The following NFKB1 variants were observed in gnomAD, a reference collection of about 807,000 sequenced individuals.
The protein encoded by NFKB1 is nuclear factor kappa B subunit 1, also known as nuclear factor NF-kappa-B p105 subunit.
Under a neutral mutation model 105.1 loss-of-function variants are expected in NFKB1, and 9 were observed. That is an observed-to-expected ratio of 0.09 (90% confidence interval 0.05 to 0.15). The LOEUF is 0.15. Among genes scored for constraint, NFKB1 ranks in the 10% least tolerant of loss-of-function variants. The pLI is 1.00. For synonymous variants in NFKB1, 440 were observed against 442.2 expected, an observed-to-expected ratio of 1.00 and a Z score of 0.06; for missense variants, 830 against 1,203.7, an observed-to-expected ratio of 0.69 and a Z score of 4.59.
rs1301995341 is a variant in NFKB1, at chr4:102,607,847, G to T, written c.2227+96G>T. 2.9e-6 allele frequency: 3 copies of T among 1,017,106 alleles called. No individual in the cohort carries two copies. In the African/African-American group the frequency reaches 4.7e-5, roughly 16 times the overall value. 63.0% of individuals were successfully genotyped at this position (1,017,106 alleles called of 1,614,324 possible). A position where few individuals can be genotyped will look rare whatever the true frequency, so the allele number is the denominator to read the frequency against. ...GTCATGTTGCCTTCTTTAAGCCACA[G>T]ACCTACTGCTGAAAAACAAGGGTAA... On this transcript the variant is annotated intron_variant, in intron 19 of 23. Coordinates refer to ENST00000226574, the MANE Select transcript of NFKB1 (RefSeq NM_003998.4).
intron 6 of NFKB1, among the ~76,000 whole-genome samples, chr4:102,575,445 T>TTTTC (rs1158263948): frequency 2.8e-4 from 43 of 152,142 alleles, no homozygotes; most frequent in African/African-American, 9.4e-4. Flanking sequence ...CTAATTTTTT[T>TTTTC]TTTCTTTCTT....
intron 11 of NFKB1, among the ~76,000 whole-genome samples, chr4:102,592,814 T>G (rs114182429): frequency 2.0e-4 from 31 of 152,276 alleles, no homozygotes; most frequent in African/African-American, 7.5e-4. Context: ...TAAAACTGAT[T>G]CTGAGAAGCC....
chr4:102,567,284 G>A, intron 6 of NFKB1, 149 bp downstream of exon 6: 1 of 831,708 alleles, frequency 1.2e-6, no homozygotes, highest in Non-Finnish European at 1.8e-6. Flanking sequence ...CTTTCATTTG[G>A]ACTCCAGGAA....
At position 102,610,685 on chromosome 4, in the gene NFKB1, G is replaced by T. The variant is rs1578834273; in HGVS notation, c.2338G>T (p.Ala780Ser). 2.5e-6 allele frequency: 4 copies of T among 1,613,966 alleles called. No homozygotes were observed. The highest frequency in any genetic ancestry group is 1.3e-5 in the African/African-American group (1 of 75,022). The change falls in exon 20 of 24, where the codon GCC (alanine) becomes TCC (serine). Residue 780 changes from alanine to serine, a missense_variant. Physicochemically the swap from Ala to Ser is moderately conservative, Grantham distance 99. This residue lies in a region of NFKB1 where 418 missense variants were observed against 575.3 expected (regional missense o/e 0.73). Coordinates refer to ENST00000226574, the MANE Select transcript of NFKB1 (RefSeq NM_003998.4). The stretch of plus-strand genomic sequence containing the variant: ...GCCTGGAACCACGCCTCTAGATATG[G>T]CCACCAGCTGGCAGGTGAGTGCCGC... ...VVPGTTPLDM[A>S]TSWQVFDILN...
chr4:102,613,285 C>T, intron 22 of NFKB1, 140 bp from the exon 23 acceptor site: 1 of 797,396 alleles, frequency 1.3e-6, no homozygotes, highest in Non-Finnish European at 2.0e-6. Context: ...CTTAGTCGCT[C>T]TTCTCTGCCC....
intron 1 of NFKB1, among the ~76,000 whole-genome samples, chr4:102,519,699 A>G (rs1740441131): frequency 6.6e-6 from 1 of 152,188 alleles, no homozygotes; most frequent in Admixed American, 6.5e-5. Flanking sequence ...GTAATGTTAT[A>G]TGCCAAAGAG....
chr4:102,580,605 G>A lies in NFKB1; in HGVS notation c.801G>A (p.Glu267=), dbSNP rs1318228054. The A allele has an allele frequency of 6.8e-6, 11 of 1,613,720 alleles. No individual in the cohort carries two copies. Among genetic ancestry groups the A allele is most frequent in the African/African-American group, 4.0e-5 (3 of 74,894 alleles). The change falls in exon 9 of 24, where the codon GAG becomes GAA. Residue 267 remains glutamate (E), a synonymous_variant. Coordinates refer to ENST00000226574, the MANE Select transcript of NFKB1 (RefSeq NM_003998.4). ...CAGCTGGATGTGTGACTGGAGGGGA[G>A]GAAATTTATCTTCTTTGTGACAAAG... is the stretch of plus-strand genomic sequence containing the variant. ...DRTAGCVTGG[E]EIYLLCDKVQ...
In NFKB1 at chr4:102,587,334, A is replaced by T. The variant is rs181936532; in HGVS notation, c.1066+2514A>T. 2.6e-5 allele frequency among the ~76,000 whole-genome samples: 4 copies of T among 152,350 alleles called. No individual in the cohort carries two copies. The East Asian group carries it at 5.8e-4, about 22-fold the overall frequency. On this transcript the variant is annotated intron_variant, in intron 11 of 23. Transcript: ENST00000226574. ...TTTTAGACTTTCTGAGGAAAAAAAT[A>T]GATTTCTTCTCCAGAAATATGTCTT...
chr4:102,616,047 A>T (rs938840769), intron 23 of NFKB1, among the ~76,000 whole-genome samples: 2 of 152,234 alleles, frequency 1.3e-5, no homozygotes, highest in African/African-American at 4.8e-5. Flanking sequence ...TGCTTCTGTC[A>T]CCAATTTATT....
intron 11 of NFKB1, among the ~76,000 whole-genome samples, chr4:102,592,434 C>G (rs953492086): frequency 6.6e-6 from 1 of 152,146 alleles, no homozygotes; most frequent in African/African-American, 2.4e-5. Context: ...CTTCAGTAGC[C>G]ACCACCCTTA....
Position 102,606,943 on chromosome 4 carries a change from G to A in NFKB1, c.1955-207G>A, listed in dbSNP as rs115379918. On this transcript the variant is annotated intron_variant, in intron 17 of 23. Coordinates refer to ENST00000226574, the MANE Select transcript of NFKB1 (RefSeq NM_003998.4). ...AGATTCATCTTGAAGTACACAAAGC[G>A]TCGTTTATTCAGAGAATGTTTATTT... is the stretch of plus-strand genomic sequence containing the variant. Among the ~76,000 whole-genome samples, 358 of 152,290 alleles carry A rather than the reference G, an allele frequency of 2.4e-3. 2 individuals are homozygous for A. The highest frequency in any genetic ancestry group is 8.3e-3 in the African/African-American group (344 of 41,548).
chr4:102,597,417 A>G (rs1401124139), intron 14 of NFKB1, 103 bp from the exon 15 acceptor site: 4 of 1,184,594 alleles, frequency 3.4e-6, no homozygotes, highest in Non-Finnish European at 4.7e-6. Context: ...ATGATATGTC[A>G]AGGTGTCAGA....
At chr4:102,533,727 T>C (rs1252072210) in intron 3 of NFKB1, 118 bp from the exon 4 acceptor site, 2 of 825,748 alleles carry the variant, frequency 2.4e-6, no homozygotes, top group Non-Finnish European at 3.9e-6. Context: ...AACCAAAAAT[T>C]GATTTGAAAT....
At chr4:102,596,740 G>T (rs537709845) in intron 14 of NFKB1, among the ~76,000 whole-genome samples, 13 of 151,998 alleles carry the variant, frequency 8.6e-5, no homozygotes, top group South Asian at 8.3e-4. Context: ...TTTTTATCTT[G>T]TGCCCTCTTT....
At chr4:102,535,577 A>G (rs1741580574) in intron 4 of NFKB1, among the ~76,000 whole-genome samples, 1 of 152,172 alleles carries the variant, frequency 6.6e-6, no homozygotes, top group Admixed American at 6.5e-5. Context: ...CATTTTAAGC[A>G]AATGGAGTTA....
chr4:102,587,859 C>T (rs1725841024), intron 11 of NFKB1, among the ~76,000 whole-genome samples: 1 of 152,016 alleles, frequency 6.6e-6, no homozygotes, highest in Non-Finnish European at 1.5e-5. Flanking sequence ...TATAACTGGT[C>T]AGAAAAGTAG....
chr4:102,538,107 C>T, intron 5 of NFKB1, 151 bp downstream of exon 5: 1 of 457,018 alleles, frequency 2.2e-6, no homozygotes, highest in Non-Finnish European at 4.0e-6. Flanking sequence ...AGAAATTTGT[C>T]TCCTAGCAAT....
At chr4:102,592,260 C>T (rs955332219) in intron 11 of NFKB1, among the ~76,000 whole-genome samples, 1 of 152,138 alleles carries the variant, frequency 6.6e-6, no homozygotes, top group Non-Finnish European at 1.5e-5. Flanking sequence ...AAAGCAGCAG[C>T]AGTGTTTGAG....
intron 5 of NFKB1, among the ~76,000 whole-genome samples, chr4:102,549,592 A>G (rs1578749708): frequency 6.6e-6 from 1 of 152,034 alleles, no homozygotes; most frequent in East Asian, 1.9e-4. Context: ...TCTCCAGCCT[A>G]GACTTCCACT....
Sources: allele counts gnomAD v4.1 joint callset (sites outside exome capture counted in the v4.1 genomes callset), GRCh38; gene constraint gnomAD v4.1.1; regional missense constraint gnomAD v4.1.1; transcripts MANE v1.5; gene names NCBI Gene and HGNC (gene_info 2026-07-23, HGNC 2026-07-21).